Variants in CLASP2 observed in about 807,000 individuals in gnomAD.
CLASP2 encodes CLIP-associating protein 2.
A neutral mutation model predicts 194.4 loss-of-function variants in CLASP2; 47 were observed. That is an observed-to-expected ratio of 0.24 (90% CI 0.19 to 0.31). The LOEUF (loss-of-function observed/expected upper bound fraction) is 0.31. Among genes scored for constraint, CLASP2 ranks in the 10% least tolerant of loss-of-function variants. The pLI is 1.00. For missense variants in CLASP2, 1,445 were observed against 1,823.6 expected, an observed-to-expected ratio of 0.79 and a Z score of 3.78; for synonymous variants, 619 against 633.5, an observed-to-expected ratio of 0.98 and a Z score of 0.34.
At chr3:33,555,785 A>G (rs2060819758) in intron 29 of CLASP2, among the ~76,000 whole-genome samples, 1 of 152,238 alleles carries the variant, frequency 6.6e-6, no homozygotes, top group Non-Finnish European at 1.5e-5. Flanking sequence ...GCCACCATCA[A>G]TAACTGAATA....
In CLASP2 at chr3:33,584,808, GCTT is replaced by G; in HGVS notation, c.2178_2180del (p.Arg726del). 1 of 1,613,158 alleles carries G rather than the reference GCTT, an allele frequency of 6.2e-7. No individual in the cohort carries two copies. The highest frequency in any genetic ancestry group is 8.5e-7 in the Non-Finnish European group (1 of 1,179,756). ...TACAGCCCTGGCTCCGTGGTATCTT[GCTT>G]CTTTTTTGTGCTGAGGCTGAATTGA... On this transcript the variant is annotated inframe_deletion, in exon 22 of 39. Coordinates refer to ENST00000682230, the MANE Select transcript of CLASP2 (RefSeq NM_001365631.1).
chr3:33,566,614 G>A (rs768645256), intron 27 of CLASP2, 118 bp downstream of exon 27: 6 of 325,692 alleles, frequency 1.8e-5, no homozygotes, highest in South Asian at 5.0e-5. Flanking sequence ...ATAGCATTTC[G>A]TGGATTGCAA....
chr3:33,644,113 A>G (rs765639333), intron 8 of CLASP2, among the ~76,000 whole-genome samples: 1 of 152,142 alleles, frequency 6.6e-6, no homozygotes, highest in Non-Finnish European at 1.5e-5. Flanking sequence ...TTAACACATG[A>G]AAGAATACCC....
chr3:33,718,020 C>CGCCT lies in CLASP2; in HGVS notation c.-22_-19dup. 6.8e-6 allele frequency: 10 copies of CGCCT among 1,460,268 alleles called. No individual in the cohort carries two copies. Among genetic ancestry groups the CGCCT allele is most frequent in the South Asian group, 1.4e-5 (1 of 71,510 alleles). 90.5% of individuals were successfully genotyped at this position (1,460,268 alleles called of 1,614,324 possible). A position where few individuals can be genotyped will look rare whatever the true frequency, so the allele number is the denominator to read the frequency against. ...GGCTCCATGGCTGCGGCCGCCCGCC[C>CGCCT]GCCTGCCAGTCTGTGAGCGGCCAAC... On this transcript the variant is annotated 5_prime_UTR_variant, in exon 1 of 39. Coordinates refer to ENST00000682230, the MANE Select transcript of CLASP2 (RefSeq NM_001365631.1).
intron 9 of CLASP2, among the ~76,000 whole-genome samples, chr3:33,629,547 A>G (rs2078678235): frequency 6.6e-6 from 1 of 152,158 alleles, no homozygotes; most frequent in South Asian, 2.1e-4. Flanking sequence ...TGATGGATAG[A>G]AAGGAAAGAA....
chr3:33,623,577 C>T (rs1282279352), intron 10 of CLASP2, among the ~76,000 whole-genome samples: 1 of 152,042 alleles, frequency 6.6e-6, no homozygotes, highest in African/African-American at 2.4e-5. Context: ...TCCTCCAGTT[C>T]CATCCATGTT....
At chr3:33,717,413 T>C (rs1331437962) in intron 1 of CLASP2, among the ~76,000 whole-genome samples, 2 of 151,904 alleles carry the variant, frequency 1.3e-5, no homozygotes, top group Non-Finnish European at 2.9e-5. Context: ...CCCCCCTGTT[T>C]CCCCTATTTT....
intron 9 of CLASP2, among the ~76,000 whole-genome samples, chr3:33,630,589 G>A (rs1257058873): frequency 2.0e-5 from 3 of 152,034 alleles, no homozygotes; most frequent in Non-Finnish European, 4.4e-5. Context: ...ATCAAGGCAA[G>A]AACATTGAAC....
chr3:33,621,245 GCTGT>G (rs1334281709), intron 11 of CLASP2, among the ~76,000 whole-genome samples: 3 of 152,018 alleles, frequency 2.0e-5, no homozygotes, highest in African/African-American at 7.3e-5. Flanking sequence ...TACCCTGTCT[GCTGT>G]CTATTACGTG....
In CLASP2 at chr3:33,606,774, AAAAGC is replaced by A; in HGVS notation, c.1527-21_1527-17del. 1 of 1,571,412 alleles carries A rather than the reference AAAAGC, an allele frequency of 6.4e-7. No homozygotes were observed. The highest frequency in any genetic ancestry group is 8.7e-7 in the Non-Finnish European group (1 of 1,155,800). On this transcript the variant is annotated splice_polypyrimidine_tract_variant and intron_variant, in intron 15 of 38. Coordinates refer to ENST00000682230, the MANE Select transcript of CLASP2 (RefSeq NM_001365631.1). ...CATGTATGTCCTGTTAAAAAAAAAG[AAAAGC>A]AGATGAAGTAATAGCTTTACATAAT... is the stretch of plus-strand genomic sequence containing the variant.
chr3:33,515,424 C>T (rs2051027407), intron 36 of CLASP2, among the ~76,000 whole-genome samples: 1 of 152,094 alleles, frequency 6.6e-6, no homozygotes, highest in South Asian at 2.1e-4. Flanking sequence ...CTCCTCTAGG[C>T]AATTTATCAC....
At chr3:33,500,020 T>C (rs753434213) in intron 38 of CLASP2, among the ~76,000 whole-genome samples, 1 of 152,018 alleles carries the variant, frequency 6.6e-6, no homozygotes, top group African/African-American at 2.4e-5. Flanking sequence ...AATCAATAAA[T>C]ATACAATTCT....
intron 32 of CLASP2, among the ~76,000 whole-genome samples, chr3:33,540,774 CTTT>C (rs34362342): frequency 2.9e-5 from 4 of 138,566 alleles, no homozygotes; most frequent in Non-Finnish European, 4.7e-5. Flanking sequence ...AATACCAACT[CTTT>C]TTTTTTTTTT....
chr3:33,703,347 CAT>C (rs778836170), intron 1 of CLASP2, among the ~76,000 whole-genome samples: 36 of 152,138 alleles, frequency 2.4e-4, no homozygotes, highest in Non-Finnish European at 4.4e-4. Context: ...CAAATAAGCA[CAT>C]GAAGAGATTC....
chr3:33,642,717 T>C (rs2081533109), intron 8 of CLASP2, among the ~76,000 whole-genome samples: 2 of 151,726 alleles, frequency 1.3e-5, no homozygotes, highest in South Asian at 4.2e-4. Flanking sequence ...CCAAAAAAAC[T>C]AAAGTTAAAT....
intron 8 of CLASP2, among the ~76,000 whole-genome samples, chr3:33,643,144 T>C (rs2081621846): frequency 6.6e-6 from 1 of 151,864 alleles, no homozygotes; most frequent in Non-Finnish European, 1.5e-5. Flanking sequence ...ATGATTAATA[T>C]CAGAATGATA....
At chr3:33,558,012 C>T (rs150081051) in intron 29 of CLASP2, among the ~76,000 whole-genome samples, 3 of 152,278 alleles carry the variant, frequency 2.0e-5, no homozygotes, top group African/African-American at 4.8e-5. Flanking sequence ...TAGAGGACAA[C>T]GATGAGACTA....
intron 21 of CLASP2, among the ~76,000 whole-genome samples, chr3:33,591,512 G>C (rs905864712): frequency 6.6e-6 from 1 of 152,204 alleles, no homozygotes; most frequent in African/African-American, 2.4e-5. Context: ...TCAAGAGGCT[G>C]AGGTGGGAGG....
chr3:33,701,475 A>G (rs2092370562), intron 1 of CLASP2, among the ~76,000 whole-genome samples: 1 of 152,240 alleles, frequency 6.6e-6, no homozygotes, highest in South Asian at 2.1e-4. Flanking sequence ...ACAGGCATAT[A>G]ATACCAGTTA....
Sources: gnomAD v4.1 joint callset for allele counts (sites outside exome capture counted in the v4.1 genomes callset) on GRCh38, gnomAD v4.1.1 for gene constraint, MANE v1.5 for transcripts, NCBI Gene and HGNC (gene_info 2026-07-23, HGNC 2026-07-21) for gene names.